The following NPR3 variants were observed in gnomAD, a reference collection of about 807,000 sequenced individuals.
The protein encoded by NPR3 is natriuretic peptide receptor 3.
In NPR3, 34 loss-of-function variants were observed where a neutral mutation model predicts 54.5. That is an observed-to-expected ratio of 0.62 (90% confidence interval 0.47 to 0.83). The LOEUF is 0.83. NPR3 is among the 40% of genes least tolerant of loss of function. The probability of loss-of-function intolerance (pLI) is 0.00; values close to 1 mark genes in which losing one functional copy is unlikely to be tolerated. For missense variants in NPR3, 674 were observed against 720.8 expected (o/e 0.94, Z 0.74); for synonymous variants, 289 against 297.1 (o/e 0.97, Z 0.28).
chr5:32,752,071 G>A (rs1740606834), intron 3 of NPR3, among the ~76,000 whole-genome samples: 1 of 152,114 alleles, frequency 6.6e-6, no homozygotes, highest in African/African-American at 2.4e-5. Flanking sequence ...GAGTGTGGTG[G>A]TGGGTGCCTG....
intron 3 of NPR3, among the ~76,000 whole-genome samples, chr5:32,741,593 A>G (rs1054200554): frequency 6.6e-6 from 1 of 152,204 alleles, no homozygotes; most frequent in Non-Finnish European, 1.5e-5. Flanking sequence ...TTTAGAGATT[A>G]TTTGCAGCCC....
intron 1 of NPR3, among the ~76,000 whole-genome samples, chr5:32,715,283 A>T (rs1334662671): frequency 3.3e-5 from 5 of 152,228 alleles, no homozygotes; most frequent in African/African-American, 9.6e-5. Context: ...AAAATTCCCT[A>T]TTAAGTATTA....
chr5:32,722,568 G>A (rs1350879612), intron 1 of NPR3, among the ~76,000 whole-genome samples: 1 of 152,196 alleles, frequency 6.6e-6, no homozygotes, highest in Non-Finnish European at 1.5e-5. Flanking sequence ...GGGACTGAGA[G>A]CCAGACCCTG....
chr5:32,774,123 G>A (rs1741912859), intron 3 of NPR3, among the ~76,000 whole-genome samples: 1 of 152,164 alleles, frequency 6.6e-6, no homozygotes, highest in Admixed American at 6.5e-5. Context: ...ACACAAATTG[G>A]AAAGAGAGAC....
intron 3 of NPR3, among the ~76,000 whole-genome samples, chr5:32,772,145 C>T (rs1458026885): frequency 6.6e-6 from 1 of 152,178 alleles, no homozygotes; most frequent in Non-Finnish European, 1.5e-5. Context: ...GATGTTATTT[C>T]TACATTATTT....
intron 3 of NPR3, among the ~76,000 whole-genome samples, chr5:32,749,319 A>T (rs1348164997): frequency 3.3e-5 from 5 of 152,114 alleles, no homozygotes; most frequent in East Asian, 1.9e-4. Context: ...AGATTTTTTA[A>T]AAAAAATTTT....
At chr5:32,702,676 T>G (rs944145268) in intron 1 of NPR3, among the ~76,000 whole-genome samples, 62 of 152,156 alleles carry the variant, frequency 4.1e-4, no homozygotes, top group Admixed American at 1.8e-3. Flanking sequence ...GGACATTTGG[T>G]TTGGTTCCAA....
upstream of NPR3, among the ~76,000 whole-genome samples, chr5:32,704,465 G>A (rs1737934048): frequency 6.6e-6 from 1 of 151,678 alleles, no homozygotes; most frequent in African/African-American, 2.4e-5. Context: ...TATTTAGCCA[G>A]CTTGCTCTGT....
At chr5:32,779,757 T>A (rs1742242093) in intron 4 of NPR3, among the ~76,000 whole-genome samples, 1 of 152,338 alleles carries the variant, frequency 6.6e-6, no homozygotes, top group South Asian at 2.1e-4. Flanking sequence ...TGGGTACAGT[T>A]GGGTCTTCTC....
In NPR3 at chr5:32,790,047, C is replaced by T. The variant is rs1200856398; in HGVS notation, c.*3702C>T. On this transcript the variant is annotated 3_prime_UTR_variant, in exon 8 of 8. Transcript: ENST00000265074. ...TCATGGGTTTTATTTAATCACACCC[C>T]ATGGTTTGGGGCTACATGAGGAAGT... The T allele has an allele frequency of 1.4e-5, 3 of 217,590 alleles. No homozygotes were observed. The highest frequency in any genetic ancestry group is 5.3e-5 in the Admixed American group (1 of 19,042). 13.5% of individuals were successfully genotyped at this position (217,590 alleles called of 1,614,324 possible). A position where few individuals can be genotyped will look rare whatever the true frequency, so the allele number is the denominator to read the frequency against.
At chr5:32,733,186 GAA>G (rs1040402930) in intron 2 of NPR3, among the ~76,000 whole-genome samples, 1 of 149,302 alleles carries the variant, frequency 6.7e-6, no homozygotes, top group Non-Finnish European at 1.5e-5. Flanking sequence ...ATGTTGGATT[GAA>G]AAAAAAACAT....
intron 3 of NPR3, among the ~76,000 whole-genome samples, chr5:32,753,161 T>C (rs2111987278): frequency 6.6e-6 from 1 of 152,356 alleles, no homozygotes; most frequent in South Asian, 2.1e-4. Flanking sequence ...TTTGTCCTTC[T>C]GAAAGGTAGT....
intron 1 of NPR3, among the ~76,000 whole-genome samples, chr5:32,701,202 TC>T (rs141811147): frequency 0.011 from 1,677 of 152,300 alleles, 27 homozygotes; most frequent in African/African-American, 0.038. Flanking sequence ...TATTATTTTT[TC>T]TTTTGTTTCC....
At chr5:32,744,613 A>G (rs1040036970) in intron 3 of NPR3, among the ~76,000 whole-genome samples, 3 of 152,124 alleles carry the variant, frequency 2.0e-5, no homozygotes, top group African/African-American at 7.2e-5. Context: ...CATTCATCGG[A>G]TGGTAGCTAT....
intron 3 of NPR3, among the ~76,000 whole-genome samples, chr5:32,772,077 T>C (rs1307291909): frequency 6.6e-6 from 1 of 152,252 alleles, no homozygotes; most frequent in Non-Finnish European, 1.5e-5. Flanking sequence ...AAATTTCATA[T>C]TCCTTTGGAA....
upstream of NPR3, among the ~76,000 whole-genome samples, chr5:32,705,608 A>G (rs1001130439): frequency 6.6e-6 from 1 of 152,102 alleles, no homozygotes; most frequent in Admixed American, 6.5e-5. Context: ...ATTTTATGAG[A>G]ACTCTATCAC....
chr5:32,766,790 G>A (rs966897622), intron 3 of NPR3, among the ~76,000 whole-genome samples: 1 of 152,164 alleles, frequency 6.6e-6, no homozygotes, highest in Non-Finnish European at 1.5e-5. Flanking sequence ...GTGTTTAGCT[G>A]CTATGTGAGG....
At chr5:32,776,488 A>G (rs1420115265) in intron 4 of NPR3, among the ~76,000 whole-genome samples, 2 of 152,198 alleles carry the variant, frequency 1.3e-5, no homozygotes, top group Non-Finnish European at 2.9e-5. Flanking sequence ...GTGCATTAGA[A>G]ATTGCCAAAA....
intron 1 of NPR3, 127 bp downstream of exon 1, chr5:32,712,672 C>T: frequency 2.3e-6 from 2 of 879,718 alleles, no homozygotes; most frequent in South Asian, 3.8e-5. Flanking sequence ...CGCGCGGGCA[C>T]TCGTTCAGGT....
Sources: gnomAD v4.1 joint callset for allele counts (sites outside exome capture counted in the v4.1 genomes callset) on GRCh38, gnomAD v4.1.1 for gene constraint, MANE v1.5 for transcripts, NCBI Gene and HGNC (gene_info 2026-07-23, HGNC 2026-07-21) for gene names.